PTPRD: variants seen among roughly 807,000 people sequenced by gnomAD.
PTPRD encodes the protein protein tyrosine phosphatase receptor type D.
A neutral mutation model predicts 214.5 loss-of-function variants in PTPRD; 34 were observed. The observed-to-expected ratio is 0.16, with a 90% confidence interval of 0.12 to 0.21. The LOEUF (loss-of-function observed/expected upper bound fraction) is 0.21, where lower values mean the gene tolerates loss of function less well. Ranked by LOEUF, PTPRD falls within the 10% of genes least tolerant of loss-of-function variation. PTPRD has a pLI of 1.00. For missense variants in PTPRD, 2,545 were observed against 2,398.7 expected (o/e 1.06, Z -1.27); for synonymous variants, 1,128 against 845.7 (o/e 1.33, Z -5.79).
chr9:10,468,184 C>G (rs890983790), intron 2 of PTPRD, among the ~76,000 whole-genome samples: 1 of 152,122 alleles, frequency 6.6e-6, no homozygotes, highest in Non-Finnish European at 1.5e-5. Flanking sequence ...TCATTCTACT[C>G]TAAAGACACA....
intron 10 of PTPRD, among the ~76,000 whole-genome samples, chr9:9,072,651 A>G (rs2099745459): frequency 6.6e-6 from 1 of 152,194 alleles, no homozygotes; most frequent in Admixed American, 6.5e-5. Context: ...CTATCATGTC[A>G]CTGAGTCTTC....
At chr9:9,090,914 G>A in intron 10 of PTPRD, 3 of 1,499,394 alleles carry the variant, frequency 2.0e-6, no homozygotes, top group Admixed American at 1.7e-5. Context: ...AAGAAAAGAA[G>A]GAACAATGGT....
chr9:10,252,347 C>T (rs2092855655), intron 3 of PTPRD, among the ~76,000 whole-genome samples: 1 of 152,102 alleles, frequency 6.6e-6, no homozygotes, highest in Non-Finnish European at 1.5e-5. Context: ...AGTCACCATG[C>T]TGTGAGTAAT....
Position 8,669,065 on chromosome 9 carries a change from C to A in PTPRD, c.65-32221G>T, listed in dbSNP as rs75732242. Among the ~76,000 whole-genome samples, 42 of 152,132 alleles carry A rather than the reference C, an allele frequency of 2.8e-4. No homozygotes were observed. The East Asian group carries it at 7.6e-3, about 27-fold the overall frequency. On this transcript the variant is annotated intron_variant, in intron 12 of 45. Transcript: ENST00000381196. ...GAGAAGACTCAATTCTCTCTCCTCT[C>A]TATGGGAAAGGGGAGGGAGGTACTC...
intron 7 of PTPRD, among the ~76,000 whole-genome samples, chr9:9,674,439 C>CATATAG (rs1451984813): frequency 6.6e-6 from 1 of 151,558 alleles, no homozygotes; most frequent in East Asian, 1.9e-4. Flanking sequence ...AGAGAAAAAA[C>CATATAG]ATATAGAATA....
chr9:9,612,836 A>G (rs1056847446), intron 7 of PTPRD, among the ~76,000 whole-genome samples: 1 of 152,128 alleles, frequency 6.6e-6, no homozygotes, highest in Non-Finnish European at 1.5e-5. Context: ...GTGTGATTAC[A>G]TATTCAGAAC....
At chr9:9,331,690 C>A (rs993145601) in intron 9 of PTPRD, among the ~76,000 whole-genome samples, 1 of 152,046 alleles carries the variant, frequency 6.6e-6, no homozygotes, top group Non-Finnish European at 1.5e-5. Flanking sequence ...GTAACATTTA[C>A]AGAATAGAAG....
chr9:8,635,246 T>C (rs2096394013), intron 13 of PTPRD, among the ~76,000 whole-genome samples: 1 of 151,454 alleles, frequency 6.6e-6, no homozygotes, highest in Non-Finnish European at 1.5e-5. Context: ...AAATATTTAG[T>C]AGTATAATTT....
At chr9:8,652,755 C>A (rs1247259431) in intron 12 of PTPRD, among the ~76,000 whole-genome samples, 3 of 151,962 alleles carry the variant, frequency 2.0e-5, no homozygotes, top group Admixed American at 1.3e-4. Flanking sequence ...TTTTTAGTGT[C>A]CACAGATCAT....
chr9:10,413,134 T>C (rs1587651759), intron 2 of PTPRD, among the ~76,000 whole-genome samples: 1 of 151,692 alleles, frequency 6.6e-6, no homozygotes, highest in South Asian at 2.1e-4. Context: ...AAGAGAAAGA[T>C]ATAAAAAGAA....
intron 8 of PTPRD, among the ~76,000 whole-genome samples, chr9:9,461,121 G>A (rs1233262724): frequency 6.6e-6 from 1 of 151,512 alleles, no homozygotes; most frequent in Non-Finnish European, 1.5e-5. Flanking sequence ...CTAAACAATG[G>A]GTATACATGA....
At chr9:9,672,346 G>C (rs1384150088) in intron 7 of PTPRD, among the ~76,000 whole-genome samples, 1 of 151,956 alleles carries the variant, frequency 6.6e-6, no homozygotes. Flanking sequence ...TAGCAGAATG[G>C]CTATAATGAT....
At chr9:10,309,306 C>T (rs1407919210) in intron 3 of PTPRD, among the ~76,000 whole-genome samples, 2 of 151,716 alleles carry the variant, frequency 1.3e-5, no homozygotes, top group African/African-American at 4.8e-5. Flanking sequence ...AAATACTATT[C>T]CTTTGAAACC....
intron 3 of PTPRD, among the ~76,000 whole-genome samples, chr9:10,203,252 G>A (rs1594084750): frequency 4.0e-5 from 6 of 150,764 alleles, no homozygotes; most frequent in Admixed American, 3.3e-4. Flanking sequence ...TGACGGCTTG[G>A]TGGCTAGCAC....
chr9:9,254,327 A>G (rs2099976800), intron 9 of PTPRD, among the ~76,000 whole-genome samples: 1 of 151,908 alleles, frequency 6.6e-6, no homozygotes, highest in South Asian at 2.1e-4. Flanking sequence ...GTCTGGTTGG[A>G]TGTTGTATTT....
chr9:8,991,572 G>A (rs1004161366), intron 11 of PTPRD, among the ~76,000 whole-genome samples: 1 of 152,084 alleles, frequency 6.6e-6, no homozygotes, highest in African/African-American at 2.4e-5. Flanking sequence ...TTGTGTGGGA[G>A]TAAGATGAAA....
intron 4 of PTPRD, among the ~76,000 whole-genome samples, chr9:9,996,822 G>C (rs1190350414): frequency 1.3e-5 from 2 of 152,106 alleles, no homozygotes; most frequent in Non-Finnish European, 2.9e-5. Flanking sequence ...ATAATATTAA[G>C]AAGAACAACA....
At chr9:10,209,215 A>G (rs1426335072) in intron 3 of PTPRD, among the ~76,000 whole-genome samples, 2 of 152,182 alleles carry the variant, frequency 1.3e-5, no homozygotes, top group African/African-American at 4.8e-5. Context: ...CATAATAGCA[A>G]GGATTTGGAA....
chr9:8,660,189 T>G (rs1327738199), intron 12 of PTPRD, among the ~76,000 whole-genome samples: 2 of 152,220 alleles, frequency 1.3e-5, no homozygotes, highest in African/African-American at 4.8e-5. Context: ...AAATATAGCA[T>G]GTACATGCTC....
Sources: gnomAD v4.1 joint callset for allele counts (sites outside exome capture counted in the v4.1 genomes callset) on GRCh38, gnomAD v4.1.1 for gene constraint, MANE v1.5 for transcripts, NCBI Gene and HGNC (gene_info 2026-07-23, HGNC 2026-07-21) for gene names.